TTLL7: variants seen among roughly 807,000 people sequenced by gnomAD.
The protein encoded by TTLL7 is tubulin tyrosine ligase like 7, also known as tubulin polyglutamylase TTLL7.
TTLL7 carries 53 observed loss-of-function variants against 120.2 expected under a neutral mutation model. That is an observed-to-expected ratio of 0.44 (90% CI 0.35 to 0.55). TTLL7 has a LOEUF of 0.55. Ranked by LOEUF, TTLL7 falls within the 20% of genes least tolerant of loss-of-function variation. TTLL7 has a pLI of 0.00. For missense variants in TTLL7, 803 were observed against 1,054.7 expected (o/e 0.76, Z 3.31); for synonymous variants, 353 against 351.7 (o/e 1.00, Z -0.04).
intron 1 of TTLL7, among the ~76,000 whole-genome samples, chr1:83,968,834 C>T (rs12141272): frequency 0.49 from 73,751 of 151,696 alleles, 18,793 homozygotes; most frequent in Non-Finnish European, 0.57. Flanking sequence ...TTAAAGTTGT[C>T]TAGAGAAGTC....
At chr1:83,895,188 T>A (rs1042321480) in intron 18 of TTLL7, among the ~76,000 whole-genome samples, 2 of 152,064 alleles carry the variant, frequency 1.3e-5, no homozygotes, top group Non-Finnish European at 2.9e-5. Context: ...ATGGAGACTG[T>A]TATGCATATA....
At chr1:83,938,132 G>T in intron 7 of TTLL7, 116 bp from the exon 8 acceptor site, 1 of 832,868 alleles carries the variant, frequency 1.2e-6, no homozygotes, top group Non-Finnish European at 1.9e-6. Flanking sequence ...AAACTACATA[G>T]ATGAACAATC....
chr1:83,994,801 G>C (rs1189671072), intron 1 of TTLL7, among the ~76,000 whole-genome samples: 1 of 152,174 alleles, frequency 6.6e-6, no homozygotes, highest in Non-Finnish European at 1.5e-5. Context: ...CCCCAAATTA[G>C]AGTGCAAAAG....
chr1:83,866,417 A>G lies in TTLL7; in HGVS notation c.*3545T>C, dbSNP rs1050023342. The G allele has an allele frequency of 5.3e-5, 8 of 151,916 alleles. No individual in the cohort carries two copies. Among genetic ancestry groups the G allele is most frequent in the African/African-American group, 1.9e-4 (8 of 41,438 alleles). The allele number at this position is 151,916 out of a possible 1,614,324, so 9.4% of individuals were successfully genotyped here. A position where few individuals can be genotyped will look rare whatever the true frequency, so the allele number is the denominator to read the frequency against. ...AAATTCCATACTCATATATTTTACA[A>G]ATTAAAAAGACAGTTAAAATGAAAT... On this transcript the variant is annotated 3_prime_UTR_variant, in exon 21 of 21. Transcript: ENST00000260505.
intron 1 of TTLL7, among the ~76,000 whole-genome samples, chr1:83,987,928 C>T (rs1244203884): frequency 1.3e-5 from 2 of 152,112 alleles, no homozygotes; most frequent in African/African-American, 4.8e-5. Flanking sequence ...ACAGGTTTGT[C>T]ACCTGAGTAT....
intron 1 of TTLL7, among the ~76,000 whole-genome samples, chr1:83,971,218 C>T (rs902267259): frequency 2.0e-5 from 3 of 152,084 alleles, no homozygotes; most frequent in African/African-American, 7.2e-5. Context: ...GTGCCCAAGA[C>T]TTCAACTATC....
chr1:83,887,696 T>C (rs1349107526), intron 19 of TTLL7, among the ~76,000 whole-genome samples: 1 of 152,060 alleles, frequency 6.6e-6, no homozygotes, highest in Non-Finnish European at 1.5e-5. Context: ...GCAAATCTGC[T>C]TTGGGGAATG....
intron 10 of TTLL7, among the ~76,000 whole-genome samples, chr1:83,922,398 T>C (rs917625382): frequency 6.6e-5 from 10 of 152,122 alleles, no homozygotes; most frequent in African/African-American, 2.4e-4. Flanking sequence ...TATTGCCTCA[T>C]TTAATTCATC....
At chr1:83,877,184 T>C (rs1464538779) in intron 20 of TTLL7, among the ~76,000 whole-genome samples, 1 of 152,040 alleles carries the variant, frequency 6.6e-6, no homozygotes, top group Non-Finnish European at 1.5e-5. Context: ...ATTACACTCA[T>C]CACTTTTTAA....
chr1:83,998,141 G>T (rs943248530), intron 1 of TTLL7, among the ~76,000 whole-genome samples: 6 of 152,196 alleles, frequency 3.9e-5, no homozygotes, highest in Non-Finnish European at 5.9e-5. Flanking sequence ...GGACTATAGA[G>T]TCAGGAAAAC....
chr1:83,879,312 T>C (rs1654234545), intron 20 of TTLL7, among the ~76,000 whole-genome samples: 1 of 151,998 alleles, frequency 6.6e-6, no homozygotes, highest in South Asian at 2.1e-4. Flanking sequence ...CTTCACTCCT[T>C]GTGTTCCAAT....
chr1:83,906,602 T>C lies in TTLL7; in HGVS notation c.1993-139A>G, dbSNP rs975601269. 61 of 1,244,456 alleles carry C rather than the reference T, an allele frequency of 4.9e-5. No homozygotes were observed. The Middle Eastern group carries it at 1.4e-3, about 28-fold the overall frequency. 77.1% of individuals were successfully genotyped at this position (1,244,456 alleles called of 1,614,324 possible). On this transcript the variant is annotated intron_variant, in intron 16 of 20. Transcript: ENST00000260505. ...ATGAAAAAGGAAGAAAATTTTCTTTTACACTTGTGAATTCTTTGGATTAAA... is the reference window on the plus strand; with the variant it reads ...ATGAAAAAGGAAGAAAATTTTCTTTCACACTTGTGAATTCTTTGGATTAAA...
chr1:83,892,359 AAT>A (rs1291304290), intron 18 of TTLL7, among the ~76,000 whole-genome samples: 1 of 133,612 alleles, frequency 7.5e-6, no homozygotes, highest in African/African-American at 2.7e-5. Context: ...AATATATATG[AAT>A]ATATATACGA....
intron 19 of TTLL7, among the ~76,000 whole-genome samples, chr1:83,884,711 T>A (rs938674725): frequency 6.9e-5 from 8 of 116,272 alleles, no homozygotes; most frequent in African/African-American, 1.1e-4. Context: ...CATCGCACTC[T>A]GGGGACTGTT....
intron 18 of TTLL7, among the ~76,000 whole-genome samples, chr1:83,892,417 CATAT>C (rs1382367048): frequency 1.6e-5 from 1 of 62,656 alleles, no homozygotes; most frequent in African/African-American, 6.6e-5. Flanking sequence ...TATATATGAA[CATAT>C]ATATGAACAT....
chr1:83,917,614 C>G lies in TTLL7; in HGVS notation c.1577G>C (p.Arg526Pro). 1 of 1,611,742 alleles carries G rather than the reference C, an allele frequency of 6.2e-7. No homozygotes were observed. Among genetic ancestry groups the G allele is most frequent in the Non-Finnish European group, 8.5e-7 (1 of 1,178,060 alleles). The change falls in exon 14 of 21, where the codon CGA (arginine) becomes CCA (proline). Residue 526 changes from arginine to proline, a missense_variant. Transcript: ENST00000260505. ...AGAGATATACTGCACCTTTGGTCCTCGAGTCTTGGTAGTTTTTCCCATCAA... is the reference window on the plus strand; with the variant it reads ...AGAGATATACTGCACCTTTGGTCCTGGAGTCTTGGTAGTTTTTCCCATCAA... ...EKLMGKTTKT[R>P]GPKPLCSMPE...
At chr1:83,982,651 A>T (rs1652073969) in intron 1 of TTLL7, among the ~76,000 whole-genome samples, 3 of 152,312 alleles carry the variant, frequency 2.0e-5, no homozygotes, top group Admixed American at 2.0e-4. Flanking sequence ...AAGAAATCGG[A>T]GATAACACAA....
At position 83,882,959 on chromosome 1, in the gene TTLL7, G is replaced by A; in HGVS notation, c.2543+4C>T. 1 of 1,609,494 alleles carries A rather than the reference G, an allele frequency of 6.2e-7. No homozygotes were observed. The highest frequency in any genetic ancestry group is 1.1e-5 in the South Asian group (1 of 90,080). On this transcript the variant is annotated splice_donor_region_variant and intron_variant, in intron 20 of 20. Transcript: ENST00000260505. ...CTCAAGGGTTAGAGAATGTGAACAA[G>A]TACCTGGAATTACCCCAGTCAGGAC...
chr1:83,974,180 T>C lies in TTLL7; in HGVS notation c.-176-21793A>G, dbSNP rs181893147. Among the ~76,000 whole-genome samples, 108 of 152,112 alleles carry C rather than the reference T, an allele frequency of 7.1e-4. 1 individual carries two copies. The highest frequency in any genetic ancestry group is 2.4e-3 in the African/African-American group (101 of 41,546). ...TAAACAAAGCTGATGTAGCAATTTATAAATCCATTTCATGGGCACGGGAAA... is the reference window on the plus strand; with the variant it reads ...TAAACAAAGCTGATGTAGCAATTTACAAATCCATTTCATGGGCACGGGAAA... On this transcript the variant is annotated intron_variant, in intron 1 of 20. Coordinates refer to ENST00000260505, the MANE Select transcript of TTLL7 (RefSeq NM_024686.6).
Sources: allele counts gnomAD v4.1 joint callset (sites outside exome capture counted in the v4.1 genomes callset), GRCh38; gene constraint gnomAD v4.1.1; transcripts MANE v1.5; gene names NCBI Gene and HGNC (gene_info 2026-07-23, HGNC 2026-07-21).